Variants in CAMK1D observed in about 807,000 individuals in gnomAD.
CAMK1D encodes calcium/calmodulin-dependent protein kinase type 1D.
CAMK1D carries 9 observed loss-of-function variants against 47.7 expected under a neutral mutation model. The observed-to-expected ratio is 0.19, with a 90% CI of 0.11 to 0.33. The LOEUF is 0.33. CAMK1D is among the 10% of genes least tolerant of loss of function. CAMK1D has a pLI of 1.00. For synonymous variants in CAMK1D, 184 were observed against 184.9 expected (o/e 0.99, Z 0.04); for missense variants, 291 against 488.7 (o/e 0.60, Z 3.81).
In CAMK1D at chr10:12,447,835, A is replaced by AT. The variant is rs535098211; in HGVS notation, c.92+97933dup. Among the ~76,000 whole-genome samples the AT allele has an allele frequency of 2.4e-3, 360 of 151,112 alleles. 2 individuals carry two copies. Among genetic ancestry groups the AT allele is most frequent in the African/African-American group, 8.3e-3 (341 of 41,094 alleles). On this transcript the variant is annotated intron_variant, in intron 1 of 10. Transcript: ENST00000619168. ...ATGTATCACCATGCTTGGCTGATTTATTTTTTTTACTTATTTTTATTATTA... is the reference window on the plus strand; with the variant it reads ...ATGTATCACCATGCTTGGCTGATTTATTTTTTTTTACTTATTTTTATTATTA...
intron 1 of CAMK1D, among the ~76,000 whole-genome samples, chr10:12,413,553 TAATGATGATGATGACATTGGG>T (rs796443551): frequency 6.8e-6 from 1 of 147,074 alleles, no homozygotes; most frequent in Non-Finnish European, 1.5e-5. Context: ...ATGATGGTGA[TAATGATGATGATGACATTGGG>T]GATGATGATA....
At chr10:12,635,394 T>A (rs964211801) in intron 2 of CAMK1D, among the ~76,000 whole-genome samples, 3 of 152,210 alleles carry the variant, frequency 2.0e-5, no homozygotes, top group African/African-American at 4.8e-5. Flanking sequence ...TGCAAAACTG[T>A]TCAGATGTCA....
intron 3 of CAMK1D, among the ~76,000 whole-genome samples, chr10:12,673,568 G>T (rs905902668): frequency 7.2e-5 from 11 of 152,020 alleles, no homozygotes; most frequent in Non-Finnish European, 1.3e-4. Context: ...TAATCATGTC[G>T]TCTGAAATTT....
chr10:12,542,301 C>T (rs1456998192), intron 1 of CAMK1D, among the ~76,000 whole-genome samples: 1 of 151,900 alleles, frequency 6.6e-6, no homozygotes, highest in Non-Finnish European at 1.5e-5. Flanking sequence ...GTCTGCAGGC[C>T]CAGTTACACA....
At chr10:12,545,525 G>C (rs1338857292) in intron 1 of CAMK1D, among the ~76,000 whole-genome samples, 1 of 150,912 alleles carries the variant, frequency 6.6e-6, no homozygotes, top group African/African-American at 2.4e-5. Context: ...GAATTAGCCG[G>C]GCGCAGTGGC....
intron 1 of CAMK1D, among the ~76,000 whole-genome samples, chr10:12,490,347 G>A (rs1403645605): frequency 1.3e-5 from 2 of 152,188 alleles, no homozygotes; most frequent in African/African-American, 4.8e-5. Flanking sequence ...GCTGCCCAGG[G>A]ATGTTAGGTC....
intron 2 of CAMK1D, among the ~76,000 whole-genome samples, chr10:12,603,683 C>G (rs530613006): frequency 6.6e-6 from 1 of 152,146 alleles, no homozygotes; most frequent in African/African-American, 2.4e-5. Context: ...CCCTCTTTCC[C>G]GCTTGACCCA....
At chr10:12,776,384 T>G (rs1443457504) in intron 5 of CAMK1D, among the ~76,000 whole-genome samples, 1 of 152,184 alleles carries the variant, frequency 6.6e-6, no homozygotes, top group African/African-American at 2.4e-5. Flanking sequence ...TTGTTAAAGT[T>G]GACTAAGCCA....
At chr10:12,627,236 C>A (rs903922779) in intron 2 of CAMK1D, among the ~76,000 whole-genome samples, 1 of 151,932 alleles carries the variant, frequency 6.6e-6, no homozygotes, top group Non-Finnish European at 1.5e-5. Flanking sequence ...TGCCTGCCAC[C>A]ACGCCCAGCT....
rs1833121016 is a variant in CAMK1D at position 12,694,228 on chromosome 10, T to TATATA, written c.299+27420_299+27421insATAAT. ...ATTATGTATAATATAAAATATATATTATGTATAATATATAATATATATTAT... is the reference window on the plus strand; with the variant it reads ...ATTATGTATAATATAAAATATATATTATATAATGTATAATATATAATATATATTAT... On this transcript the variant is annotated intron_variant, in intron 3 of 10. Transcript: ENST00000619168. 6.1e-5 allele frequency among the ~76,000 whole-genome samples: 4 copies of TATATA among 65,104 alleles called. 2 individuals carry two copies. Among genetic ancestry groups the TATATA allele is most frequent in the Non-Finnish European group, 1.0e-4 (4 of 38,872 alleles). The allele number at this position is 65,104 out of a possible 152,430, so 42.7% of individuals were successfully genotyped here. A position where few individuals can be genotyped will look rare whatever the true frequency, so the allele number is the denominator to read the frequency against.
chr10:12,543,910 A>G (rs1836279954), intron 1 of CAMK1D, among the ~76,000 whole-genome samples: 1 of 152,234 alleles, frequency 6.6e-6, no homozygotes. Flanking sequence ...AAAGCAAAAC[A>G]GCTTTTATTT....
intron 3 of CAMK1D, among the ~76,000 whole-genome samples, chr10:12,725,045 G>A (rs570016697): frequency 4.0e-4 from 61 of 152,316 alleles, no homozygotes; most frequent in African/African-American, 1.4e-3. Context: ...CTAGTGTTTT[G>A]CAGCAGAAGC....
At chr10:12,420,900 A>G (rs1251533639) in intron 1 of CAMK1D, among the ~76,000 whole-genome samples, 2 of 152,172 alleles carry the variant, frequency 1.3e-5, no homozygotes, top group Non-Finnish European at 2.9e-5. Context: ...TGGCTGCTGC[A>G]GGTGGAGCTC....
chr10:12,508,752 C>T (rs1321324571), intron 1 of CAMK1D, among the ~76,000 whole-genome samples: 4 of 152,184 alleles, frequency 2.6e-5, no homozygotes, highest in African/African-American at 4.8e-5. Context: ...CTCTGCAGTT[C>T]ACATAACCCT....
intron 8 of CAMK1D, among the ~76,000 whole-genome samples, chr10:12,822,143 G>T (rs1002454721): frequency 6.6e-6 from 1 of 152,206 alleles, no homozygotes; most frequent in East Asian, 1.9e-4. Flanking sequence ...TTTTGTTGGC[G>T]AAGCGTGCTG....
intron 3 of CAMK1D, among the ~76,000 whole-genome samples, chr10:12,732,266 C>T (rs1223171863): frequency 1.3e-5 from 2 of 151,922 alleles, no homozygotes; most frequent in African/African-American, 2.4e-5. Context: ...ATAACAAATA[C>T]CTGAGAGGCT....
chr10:12,349,882 A>G lies in CAMK1D; in HGVS notation c.64A>G (p.Ile22Val). Reference sequence around the variant, plus strand: ...AAAGCAAGCTGAAGACATCAAGAAGATCTTCGAGTTCAAAGAGACCCTCGG... The same window carrying G: ...AAAGCAAGCTGAAGACATCAAGAAGGTCTTCGAGTTCAAAGAGACCCTCGG... ...WKKQAEDIKK[I>V]FEFKETLGTG... is the part of the protein sequence containing the mutation. The change falls in exon 1 of 11, where the codon ATC becomes GTC. Residue 22 changes from isoleucine (I) to valine (V), a missense_variant. By Grantham distance (29) the Ile-to-Val change is conservative. This residue lies in a region of CAMK1D where 219 missense variants were observed against 424.3 expected (regional missense o/e 0.52). Transcript: ENST00000619168. 6.5e-7 allele frequency: 1 copy of G among 1,548,214 alleles called. No homozygotes were observed.
At chr10:12,563,965 C>G (rs1397264920) in intron 2 of CAMK1D, among the ~76,000 whole-genome samples, 1 of 152,102 alleles carries the variant, frequency 6.6e-6, no homozygotes, top group East Asian at 1.9e-4. Context: ...GTTTAAATTC[C>G]TCTAATAATA....
chr10:12,564,139 CTCTCTCTG>C (rs1305200376), intron 2 of CAMK1D, among the ~76,000 whole-genome samples: 81 of 95,200 alleles, frequency 8.5e-4, no homozygotes, highest in Middle Eastern at 0.011. Context: ...CTCTCTCTCT[CTCTCTCTG>C]TCTCTCTCTC....
Sources: gnomAD v4.1 joint callset for allele counts (sites outside exome capture counted in the v4.1 genomes callset) on GRCh38, gnomAD v4.1.1 for gene constraint, gnomAD v4.1.1 regional missense constraint, MANE v1.5 for transcripts, NCBI Gene and HGNC (gene_info 2026-07-23, HGNC 2026-07-21) for gene names.